COL28A1: variants seen among roughly 807,000 people sequenced by gnomAD.
The protein encoded by COL28A1 is collagen alpha-1(XXVIII) chain.
In COL28A1, 161 loss-of-function variants were observed where a neutral mutation model predicts 150.2. The ratio of observed to expected loss-of-function variants is 1.07; its 90% CI spans 0.94 to 1.22. The LOEUF (loss-of-function observed/expected upper bound fraction) is 1.22. COL28A1 is among the 50% of genes most tolerant of loss of function. COL28A1 has a pLI of 0.00. For missense variants in COL28A1, 1,617 were observed against 1,388.3 expected (o/e 1.16, Z -2.62); for synonymous variants, 552 against 469.7 (o/e 1.18, Z -2.26).
At chr7:7,401,372 G>T (rs1203596119) in intron 27 of COL28A1, among the ~76,000 whole-genome samples, 1 of 151,894 alleles carries the variant, frequency 6.6e-6, no homozygotes, top group African/African-American at 2.4e-5. Flanking sequence ...TATATCTCTT[G>T]TCCTGACCTC....
rs1781966941 is a variant in COL28A1, at chr7:7,383,248, T to TG, written c.2137-1637dup. ...ATTTCAAAATAATACATCTTTTTTT[T>TG]GTTGTGTGTGTGTGTGTGTGTGTGT... is the stretch of plus-strand genomic sequence containing the variant. On this transcript the variant is annotated intron_variant, in intron 27 of 34. Transcript: ENST00000399429. 3.6e-5 allele frequency among the ~76,000 whole-genome samples: 5 copies of TG among 138,988 alleles called. No individual in the cohort carries two copies. The South Asian group carries it at 7.2e-4, about 20-fold the overall frequency. 91.2% of individuals were successfully genotyped at this position (138,988 alleles called of 152,430 possible).
chr7:7,435,567 G>A (rs1785280938), intron 23 of COL28A1, among the ~76,000 whole-genome samples: 1 of 152,040 alleles, frequency 6.6e-6, no homozygotes, highest in South Asian at 2.1e-4. Flanking sequence ...AACAGGAGAG[G>A]CTCAAGATTC....
At chr7:7,475,042 C>T (rs1440591629) in intron 14 of COL28A1, among the ~76,000 whole-genome samples, 1 of 152,116 alleles carries the variant, frequency 6.6e-6, no homozygotes, top group Admixed American at 6.6e-5. Flanking sequence ...CTGGGTCCAT[C>T]ACACAAGGAA....
In COL28A1 at chr7:7,357,982, T is replaced by G. The variant is rs1173220166; in HGVS notation, c.*651A>C. 2 of 152,186 alleles carry G rather than the reference T, an allele frequency of 1.3e-5. No individual in the cohort carries two copies. The highest frequency in any genetic ancestry group is 3.8e-4 in the East Asian group (2 of 5,196). 9.4% of individuals were successfully genotyped at this position (152,186 alleles called of 1,614,324 possible). On this transcript the variant is annotated 3_prime_UTR_variant, in exon 35 of 35. Coordinates refer to ENST00000399429, the MANE Select transcript of COL28A1 (RefSeq NM_001037763.3). ...AAACCTTCTTTGTTTTAACATACAT[T>G]AAACACTTGTTACCAAACATGTTGG...
At chr7:7,428,781 A>G (rs1354208130) in intron 25 of COL28A1, among the ~76,000 whole-genome samples, 3 of 152,198 alleles carry the variant, frequency 2.0e-5, no homozygotes, top group Non-Finnish European at 4.4e-5. Flanking sequence ...TGAGTTTAAA[A>G]TCTATATCTC....
chr7:7,473,372 G>A (rs1788589859), intron 15 of COL28A1, among the ~76,000 whole-genome samples: 1 of 151,992 alleles, frequency 6.6e-6, no homozygotes, highest in Admixed American at 6.6e-5. Flanking sequence ...ATCAAAAAGT[G>A]GGCTAAGGAC....
chr7:7,493,315 A>C (rs930350063), intron 11 of COL28A1, among the ~76,000 whole-genome samples: 55 of 152,202 alleles, frequency 3.6e-4, no homozygotes, highest in African/African-American at 1.3e-3. Context: ...GTTTGATCAG[A>C]AACAAACCAA....
intron 23 of COL28A1, among the ~76,000 whole-genome samples, chr7:7,433,850 ACT>A (rs983114440): frequency 9.9e-5 from 15 of 152,030 alleles, no homozygotes; most frequent in African/African-American, 3.4e-4. Flanking sequence ...TTGGGAGGAA[ACT>A]CTAACAACAG....
chr7:7,358,856 A>G, intron 34 of COL28A1, 51 bp from the exon 35 acceptor site: 2 of 1,446,496 alleles, frequency 1.4e-6, no homozygotes, highest in Non-Finnish European at 9.5e-7. Context: ...TACTGAAGAC[A>G]TGAAAAATAA....
chr7:7,529,625 G>A (rs1235094818), intron 3 of COL28A1, among the ~76,000 whole-genome samples: 1 of 152,158 alleles, frequency 6.6e-6, no homozygotes, highest in African/African-American at 2.4e-5. Context: ...GGTGCTCTCA[G>A]CGAGGGTGTA....
chr7:7,517,572 G>T (rs930499582), intron 7 of COL28A1, among the ~76,000 whole-genome samples: 3 of 152,126 alleles, frequency 2.0e-5, no homozygotes, highest in Admixed American at 1.3e-4. Context: ...GAATTTGATA[G>T]GGTTGAACAC....
chr7:7,506,448 T>G (rs1445545766), intron 10 of COL28A1, among the ~76,000 whole-genome samples: 3 of 152,208 alleles, frequency 2.0e-5, no homozygotes, highest in Non-Finnish European at 4.4e-5. Context: ...ATAACCAGAA[T>G]GACTGCCTGG....
At chr7:7,503,030 G>GAA (rs1157199977) in intron 11 of COL28A1, among the ~76,000 whole-genome samples, 1 of 152,176 alleles carries the variant, frequency 6.6e-6, no homozygotes, top group Non-Finnish European at 1.5e-5. Flanking sequence ...AAACCCAGGA[G>GAA]AAATGCACCT....
At chr7:7,518,298 T>C (rs1008452723) in intron 6 of COL28A1, among the ~76,000 whole-genome samples, 1 of 152,136 alleles carries the variant, frequency 6.6e-6, no homozygotes, top group African/African-American at 2.4e-5. Flanking sequence ...ACATTTATAA[T>C]GGGTATTTAA....
chr7:7,431,808 T>C (rs1378203179), intron 25 of COL28A1, among the ~76,000 whole-genome samples: 3 of 152,134 alleles, frequency 2.0e-5, no homozygotes, highest in Non-Finnish European at 4.4e-5. Context: ...AGAGATGACA[T>C]TGTCTGCCTG....
At chr7:7,434,970 A>G (rs1785237302) in intron 23 of COL28A1, among the ~76,000 whole-genome samples, 1 of 152,196 alleles carries the variant, frequency 6.6e-6, no homozygotes, top group African/African-American at 2.4e-5. Context: ...AATGTGCTAA[A>G]TCTTCCGTCA....
intron 11 of COL28A1, among the ~76,000 whole-genome samples, chr7:7,492,312 G>A (rs1048999093): frequency 6.6e-6 from 1 of 151,886 alleles, no homozygotes; most frequent in Non-Finnish European, 1.5e-5. Flanking sequence ...GGTGGCTCAT[G>A]CCTGTAATCC....
At chr7:7,366,370 T>A (rs73345248) in intron 33 of COL28A1, among the ~76,000 whole-genome samples, 1 of 152,164 alleles carries the variant, frequency 6.6e-6, no homozygotes, top group African/African-American at 2.4e-5. Flanking sequence ...GTCAAGAGAA[T>A]AGTCCTTAGC....
At chr7:7,489,515 G>A (rs539348242) in intron 12 of COL28A1, 58 bp from the exon 13 acceptor site, 1 of 872,306 alleles carries the variant, frequency 1.1e-6, no homozygotes, top group South Asian at 1.4e-5. Context: ...AATAAACATA[G>A]CGCAAAGTTC....
Sources: allele counts gnomAD v4.1 joint callset (sites outside exome capture counted in the v4.1 genomes callset), GRCh38; gene constraint gnomAD v4.1.1; transcripts MANE v1.5; gene names NCBI Gene and HGNC (gene_info 2026-07-23, HGNC 2026-07-21).